Variants in DOCK3 observed in about 807,000 individuals in gnomAD.
DOCK3 encodes the protein dedicator of cytokinesis 3.
Under a neutral mutation model 265.6 loss-of-function variants are expected in DOCK3, and 60 were observed. The ratio of observed to expected loss-of-function variants is 0.23; its 90% CI spans 0.18 to 0.28. The LOEUF (loss-of-function observed/expected upper bound fraction) is 0.28. DOCK3 is among the 10% of genes least tolerant of loss of function. DOCK3 has a pLI of 1.00. For synonymous variants in DOCK3, 881 were observed against 938.0 expected, an observed-to-expected ratio of 0.94 and a Z score of 1.11; for missense variants, 1,981 against 2,594.3, an observed-to-expected ratio of 0.76 and a Z score of 5.14.
intron 4 of DOCK3, among the ~76,000 whole-genome samples, chr3:50,892,346 T>C (rs1157003599): frequency 6.6e-6 from 1 of 152,048 alleles, no homozygotes; most frequent in Admixed American, 6.6e-5. Flanking sequence ...AAACACAGAT[T>C]TAACAATGGT....
At chr3:51,302,785 T>G (rs935287967) in intron 27 of DOCK3, among the ~76,000 whole-genome samples, 1 of 152,186 alleles carries the variant, frequency 6.6e-6, no homozygotes, top group African/African-American at 2.4e-5. Context: ...TGCTGAAAGG[T>G]CTGCTGTTAG....
At chr3:51,024,867 C>G (rs1386353529) in intron 5 of DOCK3, among the ~76,000 whole-genome samples, 1 of 152,192 alleles carries the variant, frequency 6.6e-6, no homozygotes, top group African/African-American at 2.4e-5. Context: ...GTGAACTTGT[C>G]ACGTGGACAG....
Position 51,361,847 on chromosome 3 carries a change from T to C in DOCK3, c.5007-12T>C, listed in dbSNP as rs1386684351. 1.1e-5 allele frequency: 17 copies of C among 1,611,464 alleles called. No homozygotes were observed. The highest frequency in any genetic ancestry group is 1.4e-5 in the Non-Finnish European group (16 of 1,178,572). ...GGCCTGACTCCTCCCTATTTCCCAC[T>C]CTTGCTCACAGCCCCATGAACTTGA... On this transcript the variant is annotated splice_polypyrimidine_tract_variant and intron_variant, in intron 47 of 52. Coordinates refer to ENST00000266037, the MANE Select transcript of DOCK3 (RefSeq NM_004947.5). The surrounding 1 kb of genome is among the most constrained non-coding windows in gnomAD (Gnocchi z 4.2).
In DOCK3 at chr3:50,875,374, G is replaced by A. The variant is rs1158209325; in HGVS notation, c.163-14652G>A. Reference sequence around the variant, plus strand: ...TGGAAGTCTTATCTTTGTCTTGTTTGAGATCTCTTTGGAAAGACTTTCAAT... The same window carrying A: ...TGGAAGTCTTATCTTTGTCTTGTTTAAGATCTCTTTGGAAAGACTTTCAAT... On this transcript the variant is annotated intron_variant, in intron 3 of 52. Coordinates refer to ENST00000266037, the MANE Select transcript of DOCK3 (RefSeq NM_004947.5). Among the ~76,000 whole-genome samples the A allele has an allele frequency of 2.6e-5, 4 of 152,090 alleles. No homozygotes were observed. In the East Asian group the frequency reaches 7.7e-4, roughly 29 times the overall value.
rs2087906656 is a variant in DOCK3, at chr3:51,374,186, T to G, written c.5294-283T>G. Among the ~76,000 whole-genome samples, 1 of 152,176 alleles carries G rather than the reference T, an allele frequency of 6.6e-6. No individual in the cohort carries two copies. The highest frequency in any genetic ancestry group is 1.5e-5 in the Non-Finnish European group (1 of 68,024). ...GCCCCTAGCCACCCTGCTCCAGTTC[T>G]TAACTCTCCTCACCCTCTGCTTCTG... On this transcript the variant is annotated intron_variant, in intron 49 of 52. Coordinates refer to ENST00000266037, the MANE Select transcript of DOCK3 (RefSeq NM_004947.5). This position sits in a 1 kb window ranked among gnomAD's most constrained non-coding sequence, Gnocchi z 4.8.
chr3:51,273,826 A>G (rs1295384876), intron 24 of DOCK3, among the ~76,000 whole-genome samples: 1 of 152,242 alleles, frequency 6.6e-6, no homozygotes, highest in African/African-American at 2.4e-5. Flanking sequence ...TGACTAAATC[A>G]TGCTAGCCAG....
chr3:51,312,466 G>A lies in DOCK3; in HGVS notation c.3094-10G>A. 6.2e-7 allele frequency: 1 copy of A among 1,611,762 alleles called. No individual in the cohort carries two copies. Among genetic ancestry groups the A allele is most frequent in the Non-Finnish European group, 8.5e-7 (1 of 1,178,420 alleles). The stretch of plus-strand genomic sequence containing the variant: ...AGACTGTCACATTTTCTCTTTCTCT[G>A]TCTGTCTAGGTGTGGAATTCTTACT... On this transcript the variant is annotated splice_polypyrimidine_tract_variant and intron_variant, in intron 29 of 52. Coordinates refer to ENST00000266037, the MANE Select transcript of DOCK3 (RefSeq NM_004947.5).
At position 51,214,138 on chromosome 3, in the gene DOCK3, G is replaced by T. The variant is rs750317419; in HGVS notation, c.1143G>T (p.Leu381=). The T allele has an allele frequency of 6.2e-7, 1 of 1,613,812 alleles. No individual in the cohort carries two copies. The highest frequency in any genetic ancestry group is 1.1e-5 in the South Asian group (1 of 91,060). ...TTTTTGCAGGTCTTATCATTTCTCT[G>T]CAGCTTCTTCGTGGAGACATGGAAC... ...PSASHGLIIS[L]QLLRGDMEQI... Residue 381 remains leucine (L), a synonymous_variant, in exon 14 of 53, where the codon CTG becomes CTT. Transcript: ENST00000266037.
At chr3:51,257,412 T>G (rs1371889381) in intron 22 of DOCK3, among the ~76,000 whole-genome samples, 1 of 152,216 alleles carries the variant, frequency 6.6e-6, no homozygotes, top group Non-Finnish European at 1.5e-5. Context: ...TTATCTCCTT[T>G]TACCTTCAGA....
intron 9 of DOCK3, among the ~76,000 whole-genome samples, chr3:51,129,009 A>G (rs2084390813): frequency 3.3e-5 from 5 of 152,196 alleles, no homozygotes; most frequent in Admixed American, 3.3e-4. Context: ...AAATATCTTC[A>G]CAGTTTCTGA....
chr3:51,162,757 G>C (rs934869038), intron 12 of DOCK3, among the ~76,000 whole-genome samples: 1 of 152,146 alleles, frequency 6.6e-6, no homozygotes, highest in African/African-American at 2.4e-5. Flanking sequence ...TGCTTCTAAA[G>C]CAACAGCTTT....
chr3:51,270,793 A>G (rs772872220), intron 23 of DOCK3, 22 bp from the exon 24 acceptor site: 12 of 1,605,648 alleles, frequency 7.5e-6, no homozygotes, highest in Non-Finnish European at 1.0e-5. Context: ...TGTGCTAACC[A>G]CAGCTTCATT....
intron 1 of DOCK3, among the ~76,000 whole-genome samples, chr3:50,727,530 T>C (rs892209930): frequency 2.6e-5 from 4 of 152,126 alleles, no homozygotes; most frequent in Admixed American, 1.3e-4. Flanking sequence ...AAACCCCATC[T>C]CTACTAAAAA....
chr3:50,759,646 T>C (rs1184675570), intron 1 of DOCK3, among the ~76,000 whole-genome samples: 1 of 144,430 alleles, frequency 6.9e-6, no homozygotes, highest in Non-Finnish European at 1.5e-5. Context: ...AATACCAGCC[T>C]GGGTGACAAG....
intron 2 of DOCK3, among the ~76,000 whole-genome samples, chr3:50,817,491 C>T (rs980255119): frequency 3.3e-5 from 5 of 151,800 alleles, no homozygotes; most frequent in African/African-American, 9.7e-5. Context: ...AGACAGAGGT[C>T]CCCCTGTGTT....
rs1231749504 is a variant in DOCK3 at position 51,315,020 on chromosome 3, T to C, written c.3294T>C (p.Pro1098=). The change falls in exon 32 of 53, where the codon CCT becomes CCC. Residue 1098 remains proline, a synonymous_variant. Coordinates refer to ENST00000266037, the MANE Select transcript of DOCK3 (RefSeq NM_004947.5). ...KIHFIPGMIG[P]FLGVTLVPQP... is the part of the protein sequence containing the mutation. ...ACTTTATTCCGGGAATGATTGGTCC[T>C]TTTCTGGGTGTGACACTGGTCCCAC... is the stretch of plus-strand genomic sequence containing the variant. 6.2e-7 allele frequency: 1 copy of C among 1,611,956 alleles called. No homozygotes were observed. The highest frequency in any genetic ancestry group is 1.1e-5 in the South Asian group (1 of 90,792).
At chr3:50,910,732 C>T (rs1007879070) in intron 4 of DOCK3, among the ~76,000 whole-genome samples, 2 of 152,186 alleles carry the variant, frequency 1.3e-5, no homozygotes, top group Non-Finnish European at 2.9e-5. Flanking sequence ...TGTTCTCCCT[C>T]CCCCAAGTAC....
At chr3:51,181,734 G>A (rs548368380) in intron 12 of DOCK3, among the ~76,000 whole-genome samples, 6 of 152,118 alleles carry the variant, frequency 3.9e-5, no homozygotes, top group African/African-American at 7.2e-5. Context: ...AGAAGGATGC[G>A]GGATTGAAGA....
intron 3 of DOCK3, among the ~76,000 whole-genome samples, chr3:50,884,656 A>G (rs556109106): frequency 9.2e-5 from 14 of 151,926 alleles, no homozygotes; most frequent in African/African-American, 3.4e-4. Flanking sequence ...CTTGGGATTC[A>G]TTCAGCTTCT....
Sources: allele counts gnomAD v4.1 joint callset (sites outside exome capture counted in the v4.1 genomes callset), GRCh38; gene constraint gnomAD v4.1.1; non-coding constraint Gnocchi (gnomAD v3.1); transcripts MANE v1.5; gene names NCBI Gene and HGNC (gene_info 2026-07-23, HGNC 2026-07-21).